Variants in DCDC1 observed in about 807,000 individuals in gnomAD.
DCDC1 encodes doublecortin domain-containing protein 1.
DCDC1 carries 200 observed loss-of-function variants against 178.3 expected under a neutral mutation model. The observed-to-expected ratio is 1.12, with a 90% confidence interval of 1.00 to 1.26. The LOEUF is 1.26. DCDC1 is among the 50% of genes most tolerant of loss of function. The pLI, the probability that DCDC1 is intolerant of heterozygous loss-of-function variation, is 0.00. For synonymous variants in DCDC1, 690 were observed against 604.8 expected (o/e 1.14, Z -2.07); for missense variants, 1,983 against 1,749.2 (o/e 1.13, Z -2.38).
At chr11:30,960,227 A>T (rs1483856817) in intron 20 of DCDC1, among the ~76,000 whole-genome samples, 1 of 152,164 alleles carries the variant, frequency 6.6e-6, no homozygotes, top group Non-Finnish European at 1.5e-5. Flanking sequence ...ACTTGTATGG[A>T]TATAAAATCA....
intron 21 of DCDC1, among the ~76,000 whole-genome samples, chr11:30,947,192 A>T (rs945375425): frequency 6.6e-6 from 1 of 152,204 alleles, no homozygotes; most frequent in Admixed American, 6.5e-5. Context: ...TGCATCATAA[A>T]GATACAAAGA....
intron 20 of DCDC1, among the ~76,000 whole-genome samples, chr11:31,016,931 T>C (rs1342370265): frequency 6.6e-6 from 1 of 152,194 alleles, no homozygotes; most frequent in Non-Finnish European, 1.5e-5. Context: ...GAGAAATAAT[T>C]GGAAATGAAC....
chr11:30,922,666 T>A (rs1565079238), intron 23 of DCDC1, 28 bp from the exon 24 acceptor site: 2 of 1,474,630 alleles, frequency 1.4e-6, no homozygotes, highest in Middle Eastern at 3.5e-4. Flanking sequence ...TCTTATCCTG[T>A]ATATAATTGT....
At chr11:31,015,378 A>G (rs1565185005) in intron 20 of DCDC1, among the ~76,000 whole-genome samples, 1 of 152,184 alleles carries the variant, frequency 6.6e-6, no homozygotes. Context: ...TTTCCTGGTA[A>G]TAATGGGTTT....
At position 30,943,359 on chromosome 11, in the gene DCDC1, C is replaced by A. The variant is rs538073716; in HGVS notation, c.2715+9086G>T. ...TTCTCTCCTGAGCCTTCCCACGTCT[C>A]CTTTTCCCCCCTCTTTATTCTGGTA... On this transcript the variant is annotated intron_variant, in intron 21 of 38. Transcript: ENST00000684477. 1.6e-5 allele frequency: 3 copies of A among 187,998 alleles called. No homozygotes were observed. In the Admixed American group the frequency reaches 1.7e-4, roughly 11 times the overall value. The allele number at this position is 187,998 out of a possible 1,614,324, so 11.6% of individuals were successfully genotyped here.
intron 9 of DCDC1, among the ~76,000 whole-genome samples, chr11:31,234,605 T>C (rs1194718579): frequency 6.6e-6 from 1 of 152,164 alleles, no homozygotes; most frequent in Non-Finnish European, 1.5e-5. Context: ...TTGGTTTTCC[T>C]CCTACTAAGA....
At chr11:31,288,857 C>G (rs182992443) in intron 7 of DCDC1, among the ~76,000 whole-genome samples, 1 of 151,726 alleles carries the variant, frequency 6.6e-6, no homozygotes, top group Non-Finnish European at 1.5e-5. Context: ...AATTAGCAAG[C>G]CTTATTTTTC....
At chr11:31,168,789 AGT>A (rs34053385) in intron 9 of DCDC1, among the ~76,000 whole-genome samples, 33,717 of 151,758 alleles carry the variant, frequency 0.22, 4,719 homozygotes, top group East Asian at 0.39. Context: ...AGTAAATGTG[AGT>A]GTGTGTGTGT....
intron 28 of DCDC1, 47 bp from the exon 29 acceptor site, chr11:30,909,163 TTA>T (rs1945275272): frequency 2.7e-6 from 4 of 1,496,542 alleles, no homozygotes. Context: ...CATGTGAGGG[TTA>T]TAGTGTCTTG....
chr11:31,204,426 C>G (rs1002994247), intron 9 of DCDC1, among the ~76,000 whole-genome samples: 4 of 149,670 alleles, frequency 2.7e-5, no homozygotes, highest in African/African-American at 9.9e-5. Context: ...AAAAGATAGC[C>G]TGAAAAAAAA....
intron 1 of DCDC1, among the ~76,000 whole-genome samples, chr11:31,355,570 C>G (rs970330143): frequency 1.3e-5 from 2 of 151,810 alleles, no homozygotes; most frequent in African/African-American, 2.4e-5. Context: ...CATTCTTTTT[C>G]TTTTTTCTTT....
At chr11:31,005,487 C>A (rs1951788595) in intron 20 of DCDC1, among the ~76,000 whole-genome samples, 1 of 152,196 alleles carries the variant, frequency 6.6e-6, no homozygotes, top group South Asian at 2.1e-4. Context: ...CTGCTCTAAG[C>A]AATCCTTTCA....
intron 20 of DCDC1, among the ~76,000 whole-genome samples, chr11:31,000,229 C>G (rs1405560898): frequency 6.6e-6 from 1 of 152,026 alleles, no homozygotes; most frequent in Non-Finnish European, 1.5e-5. Context: ...GTCACAATGC[C>G]CTATATCAAA....
intron 7 of DCDC1, among the ~76,000 whole-genome samples, chr11:31,269,866 T>C (rs1236899294): frequency 1.3e-5 from 2 of 152,320 alleles, no homozygotes; most frequent in East Asian, 3.9e-4. Flanking sequence ...ATATCTATTA[T>C]AGAGTTTGCA....
intron 20 of DCDC1, among the ~76,000 whole-genome samples, chr11:30,976,121 A>G (rs1565144857): frequency 6.6e-6 from 1 of 152,140 alleles, no homozygotes; most frequent in Non-Finnish European, 1.5e-5. Context: ...AAGACACCCT[A>G]TTCAATAATC....
chr11:31,332,133 T>C (rs1771129241), intron 2 of DCDC1, among the ~76,000 whole-genome samples: 1 of 152,254 alleles, frequency 6.6e-6, no homozygotes, highest in African/African-American at 2.4e-5. Flanking sequence ...CAGGAATTTA[T>C]GCATTTCTTC....
At chr11:31,290,975 T>A in intron 6 of DCDC1, 123 bp from the exon 7 acceptor site, 1 of 847,220 alleles carries the variant, frequency 1.2e-6, no homozygotes, top group Non-Finnish European at 1.8e-6. Context: ...TAGATGCTGG[T>A]TTTCTGAAAT....
chr11:31,357,594 T>C (rs1276463377), intron 1 of DCDC1, among the ~76,000 whole-genome samples: 39 of 152,174 alleles, frequency 2.6e-4, no homozygotes, highest in African/African-American at 5.5e-4. Flanking sequence ...CCAGGGCAAT[T>C]ACGCAGGAGA....
chr11:31,030,411 G>T (rs1953542563), intron 20 of DCDC1, among the ~76,000 whole-genome samples: 1 of 151,870 alleles, frequency 6.6e-6, no homozygotes, highest in Non-Finnish European at 1.5e-5. Context: ...AGAGCTATTA[G>T]CGTGTGGGGG....
Sources: gnomAD v4.1 joint callset for allele counts (sites outside exome capture counted in the v4.1 genomes callset) on GRCh38, gnomAD v4.1.1 for gene constraint, MANE v1.5 for transcripts, NCBI Gene and HGNC (gene_info 2026-07-23, HGNC 2026-07-21) for gene names.